Variants in CSMD2 observed in about 807,000 individuals in gnomAD.
CSMD2 encodes the protein CUB and sushi domain-containing protein 2.
Under a neutral mutation model 398.5 loss-of-function variants are expected in CSMD2, and 130 were observed. The observed-to-expected ratio is 0.33, with a 90% CI of 0.28 to 0.38. CSMD2 has a LOEUF of 0.38. Among genes scored for constraint, CSMD2 ranks in the 10% least tolerant of loss-of-function variants. The probability of loss-of-function intolerance (pLI) is 1.00; values close to 1 mark genes in which losing one functional copy is unlikely to be tolerated. For synonymous variants in CSMD2, 1,828 were observed against 1,908.5 expected, an observed-to-expected ratio of 0.96 and a Z score of 1.10; for missense variants, 3,829 against 4,764.9, an observed-to-expected ratio of 0.80 and a Z score of 5.78.
intron 5 of CSMD2, among the ~76,000 whole-genome samples, chr1:33,859,296 T>G (rs1011279396): frequency 2.0e-5 from 3 of 152,184 alleles, no homozygotes; most frequent in Non-Finnish European, 4.4e-5. Flanking sequence ...CTTTTCCAGC[T>G]GCTAGTAGCC....
chr1:33,835,991 G>C (rs1232686536), intron 6 of CSMD2, among the ~76,000 whole-genome samples: 1 of 152,162 alleles, frequency 6.6e-6, no homozygotes, highest in Non-Finnish European at 1.5e-5. Flanking sequence ...CATCTTTGTG[G>C]TTTTATCTAC....
chr1:33,546,345 C>T, intron 56 of CSMD2, 126 bp from the exon 57 acceptor site: 1 of 872,830 alleles, frequency 1.1e-6, no homozygotes, highest in Non-Finnish European at 1.7e-6. Flanking sequence ...AGGCCTAGCA[C>T]AAGTTACCTG....
chr1:33,519,592 G>A lies in CSMD2; in HGVS notation c.10822C>T (p.Arg3608Cys), dbSNP rs376862875. The A allele has an allele frequency of 1.2e-5, 20 of 1,614,088 alleles. No individual in the cohort carries two copies. Among genetic ancestry groups the A allele is most frequent in the South Asian group, 5.5e-5 (5 of 91,070 alleles). The part of the protein sequence containing the change: ...RATFENPMYD[R>C]NIQPTDIMAS... ...ATGATGTCTGTGGGCTGGATGTTGC[G>A]GTCGTACATTGGGTTCTCAAATGTG... Residue 3608 changes from arginine to cysteine, a missense_variant, in exon 70 of 71, where the codon CGC becomes TGC. This residue lies in a region of CSMD2 where 917 missense variants were observed against 1,199.5 expected (regional missense o/e 0.76). Coordinates refer to ENST00000373381, the MANE Select transcript of CSMD2 (RefSeq NM_001281956.2). The surrounding 1 kb of genome is among the most constrained non-coding windows in gnomAD (Gnocchi z 5.6).
At chr1:33,964,290 A>G (rs750698684) in intron 3 of CSMD2, among the ~76,000 whole-genome samples, 1 of 152,216 alleles carries the variant, frequency 6.6e-6, no homozygotes, top group African/African-American at 2.4e-5. Context: ...TGATAATAAC[A>G]GTGCCTGCCT....
intron 44 of CSMD2, among the ~76,000 whole-genome samples, chr1:33,588,840 G>A (rs1187496057): frequency 6.6e-6 from 1 of 152,160 alleles, no homozygotes; most frequent in Admixed American, 6.5e-5. Flanking sequence ...AGGTGGTAGA[G>A]TACAGTTTAC....
At chr1:33,782,614 T>G (rs1652925322) in intron 12 of CSMD2, among the ~76,000 whole-genome samples, 1 of 152,088 alleles carries the variant, frequency 6.6e-6, no homozygotes, top group South Asian at 2.1e-4. Flanking sequence ...AGGAAGGTGG[T>G]AAAGTGGACC....
At chr1:34,136,407 ATG>A (rs1638757249) in intron 1 of CSMD2, among the ~76,000 whole-genome samples, 1 of 152,212 alleles carries the variant, frequency 6.6e-6, no homozygotes, top group African/African-American at 2.4e-5. Flanking sequence ...TAAATATTAC[ATG>A]TGAGTGTGAA....
intron 70 of CSMD2, 145 bp from the exon 71 acceptor site, chr1:33,516,715 T>C (rs1406476504): frequency 1.3e-5 from 2 of 152,256 alleles, no homozygotes; most frequent in Non-Finnish European, 2.9e-5. Context: ...ATCTTCACTT[T>C]GATTTTTAAT....
At chr1:33,993,566 C>T (rs1646631174) in intron 3 of CSMD2, among the ~76,000 whole-genome samples, 1 of 152,082 alleles carries the variant, frequency 6.6e-6, no homozygotes, top group South Asian at 2.1e-4. Flanking sequence ...GCCTCTCCCT[C>T]TCTCTCTCGT....
At chr1:34,085,618 A>G (rs1047627935) in intron 2 of CSMD2, among the ~76,000 whole-genome samples, 6 of 152,164 alleles carry the variant, frequency 3.9e-5, no homozygotes, top group Non-Finnish European at 7.4e-5. Flanking sequence ...AGGAGACAGA[A>G]GATTTTTTGA....
intron 40 of CSMD2, among the ~76,000 whole-genome samples, chr1:33,612,134 A>G (rs1641049039): frequency 6.6e-6 from 1 of 152,246 alleles, no homozygotes; most frequent in African/African-American, 2.4e-5. Context: ...AGCAAGATCA[A>G]GAAGGTCCTT....
At chr1:33,662,705 C>T (rs1644176810) in intron 26 of CSMD2, among the ~76,000 whole-genome samples, 185 bp downstream of exon 26, 1 of 152,216 alleles carries the variant, frequency 6.6e-6, no homozygotes, top group Non-Finnish European at 1.5e-5. Context: ...ACCCACCTGT[C>T]TTCCCTACCA....
At chr1:33,819,210 G>A (rs532300231) in intron 9 of CSMD2, among the ~76,000 whole-genome samples, 2 of 152,272 alleles carry the variant, frequency 1.3e-5, no homozygotes, top group South Asian at 4.2e-4. Context: ...TGGTGGCAGG[G>A]CCCTGGGGAA....
chr1:33,831,480 C>G (rs10798997), intron 6 of CSMD2, among the ~76,000 whole-genome samples: 118,230 of 151,598 alleles, frequency 0.78, 47,008 homozygotes, highest in East Asian at 0.94. Context: ...TTGTCACCAC[C>G]AGGCCTGCCC....
intron 42 of CSMD2, among the ~76,000 whole-genome samples, chr1:33,604,699 G>A (rs1485291287): frequency 6.6e-6 from 1 of 152,154 alleles, no homozygotes; most frequent in Non-Finnish European, 1.5e-5. Context: ...TGAGGGTGGA[G>A]GCAGCACAAG....
At chr1:33,657,791 C>T (rs1264198061) in intron 27 of CSMD2, among the ~76,000 whole-genome samples, 155 bp downstream of exon 27, 4 of 152,146 alleles carry the variant, frequency 2.6e-5, no homozygotes, top group Non-Finnish European at 1.5e-5. Context: ...GGGACACATG[C>T]ATGCAAAGCA....
At chr1:33,590,003 G>T (rs1187375898) in intron 44 of CSMD2, among the ~76,000 whole-genome samples, 1 of 151,700 alleles carries the variant, frequency 6.6e-6, no homozygotes, top group Non-Finnish European at 1.5e-5. Flanking sequence ...AACTTCTAAG[G>T]CATACTAAAC....
At position 33,961,957 on chromosome 1, in the gene CSMD2, G is replaced by A. The variant is rs559220824; in HGVS notation, c.518-26003C>T. The stretch of plus-strand genomic sequence containing the variant: ...AGCAACACAAATGGAAGAATACAGG[G>A]AGTTATTAAGACTTGGGGATGTTGA... On this transcript the variant is annotated intron_variant, in intron 3 of 70. Transcript: ENST00000373381. 9.2e-5 allele frequency among the ~76,000 whole-genome samples: 14 copies of A among 152,134 alleles called. No homozygotes were observed. In the South Asian group the frequency reaches 2.7e-3, roughly 29 times the overall value.
In CSMD2 at chr1:33,935,912, T is replaced by C; in HGVS notation, c.560A>G (p.Asn187Ser). ...HTCGNPGRLP[N>S]GIQQGSTFNL... ...GAAGGTTGAACCCTGCTGGATGCCA[T>C]TGGGCAGCCTCCCTGGGTTCCCACA... The change falls in exon 4 of 71, where the codon AAT (asparagine) becomes AGT (serine). Residue 187 changes from asparagine (N) to serine (S), a missense_variant. By Grantham distance (46) the Asn-to-Ser change is conservative (BLOSUM62 1). Coordinates refer to ENST00000373381, the MANE Select transcript of CSMD2 (RefSeq NM_001281956.2). 7 of 1,613,632 alleles carry C rather than the reference T, an allele frequency of 4.3e-6. No homozygotes were observed. The highest frequency in any genetic ancestry group is 2.2e-5 in the East Asian group (1 of 44,878).
Sources: allele counts gnomAD v4.1 joint callset (sites outside exome capture counted in the v4.1 genomes callset), GRCh38; gene constraint gnomAD v4.1.1; regional missense constraint gnomAD v4.1.1; non-coding constraint Gnocchi (gnomAD v3.1); transcripts MANE v1.5; gene names NCBI Gene and HGNC (gene_info 2026-07-23, HGNC 2026-07-21).